MEX3D: variants seen among roughly 807,000 people sequenced by gnomAD.
MEX3D encodes the protein RNA-binding protein MEX3D.
Under a neutral mutation model 6.3 loss-of-function variants are expected in MEX3D, and 4 were observed. The observed-to-expected ratio is 0.64, with a 90% confidence interval of 0.31 to 1.46. The LOEUF (loss-of-function observed/expected upper bound fraction) is 1.46. MEX3D is among the 40% of genes most tolerant of loss of function. The pLI, the probability that MEX3D is intolerant of heterozygous loss-of-function variation, is 0.07. For synonymous variants in MEX3D, 626 were observed against 494.1 expected (o/e 1.27, Z -3.54); for missense variants, 1,038 against 994.4 (o/e 1.04, Z -0.59).
intron 1 of MEX3D, among the ~76,000 whole-genome samples, chr19:1,566,838 G>A (rs1030559010): frequency 6.6e-6 from 1 of 152,064 alleles, no homozygotes; most frequent in Admixed American, 6.6e-5. Context: ...CCTGCCGCCC[G>A]CCGGCCTGCC....
chr19:1,560,154 G>A (rs746769552), intron 1 of MEX3D, among the ~76,000 whole-genome samples: 1 of 152,234 alleles, frequency 6.6e-6, no homozygotes, highest in Non-Finnish European at 1.5e-5. Flanking sequence ...GAAGGTAACA[G>A]GCCTGGCTTC....
intron 1 of MEX3D, among the ~76,000 whole-genome samples, chr19:1,558,983 T>TG (rs932406443): frequency 1.1e-4 from 16 of 151,690 alleles, no homozygotes; most frequent in African/African-American, 3.9e-4. Flanking sequence ...CTTAATGGTT[T>TG]TTTTTTTTTT....
chr19:1,567,814 GC>G lies in MEX3D; in HGVS notation c.244del (p.Ala82ArgfsTer86). ...GGAGDTDEEGAAGDGAAAAGG... is the reference protein window; with the variant it reads ...GGAGDTDEEGXAGDGAAAAGG... ...CGCCGCCGCTGCGCCGTCCCCGGCC[GC>G]CCCCTCCTCGTCCGTGTCGCCAGCG... On this transcript the variant is annotated frameshift_variant, in exon 1 of 2. Transcript: ENST00000402693. LOFTEE classifies it high-confidence loss of function. This position sits in a 1 kb window ranked among gnomAD's most constrained non-coding sequence, Gnocchi z 6.5. The G allele has an allele frequency of 1.0e-6, 1 of 966,736 alleles. No homozygotes were observed. Among genetic ancestry groups the G allele is most frequent in the Non-Finnish European group, 1.2e-6 (1 of 815,068 alleles). The allele number at this position is 966,736 out of a possible 1,614,324, so 59.9% of individuals were successfully genotyped here. A position where few individuals can be genotyped will look rare whatever the true frequency, so the allele number is the denominator to read the frequency against.
At chr19:1,562,292 C>T (rs1249840052) in intron 1 of MEX3D, among the ~76,000 whole-genome samples, 1 of 143,004 alleles carries the variant, frequency 7.0e-6, no homozygotes, top group Non-Finnish European at 1.5e-5. Flanking sequence ...AGGTGTGGAC[C>T]GGGCACAGTG....
chr19:1,558,684 C>G (rs926113411), intron 1 of MEX3D, among the ~76,000 whole-genome samples: 1 of 152,226 alleles, frequency 6.6e-6, no homozygotes, highest in African/African-American at 2.4e-5. Flanking sequence ...AATTTTCTTC[C>G]GGCCAAATGA....
intron 1 of MEX3D, among the ~76,000 whole-genome samples, chr19:1,565,399 G>C (rs564019046): frequency 3.9e-5 from 6 of 152,072 alleles, no homozygotes; most frequent in African/African-American, 4.8e-5. Flanking sequence ...AAAATCAGCT[G>C]AGCGTGGTGG....
chr19:1,566,800 A>C (rs1914853083), intron 1 of MEX3D, among the ~76,000 whole-genome samples: 1 of 151,952 alleles, frequency 6.6e-6, no homozygotes, highest in Non-Finnish European at 1.5e-5. Context: ...AGCTCCGACG[A>C]TGCCACCGCT....
At chr19:1,560,962 G>T (rs968370771) in intron 1 of MEX3D, among the ~76,000 whole-genome samples, 1 of 152,210 alleles carries the variant, frequency 6.6e-6, no homozygotes, top group Non-Finnish European at 1.5e-5. Context: ...CCTGAAGGGC[G>T]GGCTCTGGGG....
At chr19:1,562,397 C>G (rs1258516143) in intron 1 of MEX3D, among the ~76,000 whole-genome samples, 1 of 150,920 alleles carries the variant, frequency 6.6e-6, no homozygotes, top group Non-Finnish European at 1.5e-5. Context: ...TGGTGGCGGG[C>G]GCCTGTAATC....
At chr19:1,561,809 A>G (rs1914725301) in intron 1 of MEX3D, among the ~76,000 whole-genome samples, 1 of 151,948 alleles carries the variant, frequency 6.6e-6, no homozygotes, top group Middle Eastern at 3.2e-3. Context: ...ACCCCCGGCT[A>G]ATTGTTTAAA....
In MEX3D at chr19:1,554,871, C is replaced by G. The variant is rs1254923839; in HGVS notation, c.*692G>C. The stretch of plus-strand genomic sequence containing the variant: ...TTTATTCCATAAAGTACATATTTCC[C>G]TATAAATTCCCTACATATACACAAG... On this transcript the variant is annotated 3_prime_UTR_variant, in exon 2 of 2. Coordinates refer to ENST00000402693, the MANE Select transcript of MEX3D (RefSeq NM_203304.4). 4.7e-5 allele frequency: 7 copies of G among 148,160 alleles called. No individual in the cohort carries two copies. Among genetic ancestry groups the G allele is most frequent in the African/African-American group, 1.8e-4 (7 of 39,996 alleles). 9.2% of individuals were successfully genotyped at this position (148,160 alleles called of 1,614,324 possible). A position where few individuals can be genotyped will look rare whatever the true frequency, so the allele number is the denominator to read the frequency against.
chr19:1,555,529 C>G lies in MEX3D; in HGVS notation c.*34G>C, dbSNP rs749392960. On this transcript the variant is annotated 3_prime_UTR_variant, in exon 2 of 2. Transcript: ENST00000402693. The stretch of plus-strand genomic sequence containing the variant: ...GTCTCCCGCGCCCACCCCTGGCCCC[C>G]GCAGATGGCCCCGGCCACGTGGTGG... 5.4e-5 allele frequency: 83 copies of G among 1,535,906 alleles called. No homozygotes were observed. The highest frequency in any genetic ancestry group is 5.9e-5 in the Non-Finnish European group (67 of 1,141,556).
Position 1,556,002 on chromosome 19 carries a change from C to G in MEX3D, c.1517G>C (p.Ser506Thr). 3 of 1,222,392 alleles carry G rather than the reference C, an allele frequency of 2.5e-6. No homozygotes were observed. The highest frequency in any genetic ancestry group is 3.1e-6 in the Non-Finnish European group (3 of 977,124). The allele number at this position is 1,222,392 out of a possible 1,614,324, so 75.7% of individuals were successfully genotyped here. Residue 506 changes from serine to threonine, a missense_variant, in exon 2 of 2, where the codon AGT becomes ACT. Around this residue, in one of 5 missense-constraint regions of MEX3D, gnomAD observed 581 missense variants for 516.2 expected, o/e 1.13. Coordinates refer to ENST00000402693, the MANE Select transcript of MEX3D (RefSeq NM_203304.4). The surrounding 1 kb of genome is among the most constrained non-coding windows in gnomAD (Gnocchi z 7.5). ...GPPAAGARRS[S>T]GAGTPRHSPT... ...CGAGTGGCGGGGGGTCCCGGCCCCACTGCTGCGCCGGGCGCCGGCGGCGGG... is the reference window on the plus strand; with the variant it reads ...CGAGTGGCGGGGGGTCCCGGCCCCAGTGCTGCGCCGGGCGCCGGCGGCGGG...
rs368958520 is a variant in MEX3D at position 1,555,371 on chromosome 19, G to C, written c.*192C>G. ...AAGGGCTGAGGCGCCGCCGGGCTGC[G>C]GGGTCTCCGTCTCCACGCCTGAGGC... On this transcript the variant is annotated 3_prime_UTR_variant, in exon 2 of 2. Coordinates refer to ENST00000402693, the MANE Select transcript of MEX3D (RefSeq NM_203304.4). The C allele has an allele frequency of 2.5e-6, 4 of 1,602,302 alleles. No homozygotes were observed. The highest frequency in any genetic ancestry group is 3.4e-6 in the Non-Finnish European group (4 of 1,173,964).
chr19:1,557,640 C>T (rs1240920389), intron 1 of MEX3D, among the ~76,000 whole-genome samples: 2 of 150,094 alleles, frequency 1.3e-5, no homozygotes, highest in East Asian at 3.9e-4. Flanking sequence ...TTGGGTGGAT[C>T]ACGAGGTCAG....
rs746536465 is a variant in MEX3D at position 1,556,123 on chromosome 19, C to G, written c.1396G>C (p.Val466Leu). 6.8e-7 allele frequency: 1 copy of G among 1,461,004 alleles called. No individual in the cohort carries two copies. Among genetic ancestry groups the G allele is most frequent in the Admixed American group, 2.2e-5 (1 of 45,470 alleles). 90.5% of individuals were successfully genotyped at this position (1,461,004 alleles called of 1,614,324 possible). ...DFDFLALDLT[V>L]PAAATIWAPF... ...GCCCAGATGGTGGCCGCGGCGGGCA[C>G]GGTCAGGTCCAGCGCCAGGAAGTCG... The change falls in exon 2 of 2, where the codon GTG becomes CTG. Residue 466 changes from valine (V) to leucine (L), a missense_variant. Physicochemically the swap from Val to Leu is conservative, Grantham distance 32. Transcript: ENST00000402693. This position sits in a 1 kb window ranked among gnomAD's most constrained non-coding sequence, Gnocchi z 7.5.
In MEX3D at chr19:1,556,746, C is replaced by A; in HGVS notation, c.773G>T (p.Gly258Val). The A allele has an allele frequency of 1.9e-6, 3 of 1,612,106 alleles. No homozygotes were observed. The highest frequency in any genetic ancestry group is 2.5e-6 in the Non-Finnish European group (3 of 1,179,566). The change falls in exon 2 of 2, where the codon GGG becomes GTG. Residue 258 changes from glycine to valine, a missense_variant. By Grantham distance (109) the Gly-to-Val change is moderately radical (BLOSUM62 -3). Around this residue, in one of 5 missense-constraint regions of MEX3D, gnomAD observed 52 missense variants for 37.4 expected, o/e 1.39. Transcript: ENST00000402693. This position sits in a 1 kb window ranked among gnomAD's most constrained non-coding sequence, Gnocchi z 7.5. ...SIIRATRSKA[G>V]GLPGAAQGPP... ...GCCCTGGGCGGCGCCGGGCAGACCC[C>A]CGGCCTTGCTGCGCGTGGCGCGGAT...
chr19:1,555,622 C>G lies in MEX3D; in HGVS notation c.1897G>C (p.Glu633Gln). Residue 633 changes from glutamate (E) to glutamine (Q), a missense_variant, in exon 2 of 2, where the codon GAG (glutamate) becomes CAG (glutamine). Physicochemically the swap from Glu to Gln is conservative, Grantham distance 29. Coordinates refer to ENST00000402693, the MANE Select transcript of MEX3D (RefSeq NM_203304.4). ...DCAVRICGKS[E>Q]PECPACRTPA... ...GTGCGGCAGGCGGGACACTCGGGCT[C>G]GCTCTTGCCGCAGATGCGGACGGCG... 6.3e-7 allele frequency: 1 copy of G among 1,590,774 alleles called. No homozygotes were observed. The highest frequency in any genetic ancestry group is 8.5e-7 in the Non-Finnish European group (1 of 1,171,018).
At chr19:1,561,408 G>A (rs1443727007) in intron 1 of MEX3D, among the ~76,000 whole-genome samples, 1 of 152,200 alleles carries the variant, frequency 6.6e-6, no homozygotes, top group Non-Finnish European at 1.5e-5. Context: ...ACACGCAGCC[G>A]CCCCCAGCCA....
Sources: allele counts gnomAD v4.1 joint callset (sites outside exome capture counted in the v4.1 genomes callset), GRCh38; gene constraint gnomAD v4.1.1; regional missense constraint gnomAD v4.1.1; non-coding constraint Gnocchi (gnomAD v3.1); transcripts MANE v1.5; gene names NCBI Gene and HGNC (gene_info 2026-07-23, HGNC 2026-07-21).